Variants in TOX observed in about 807,000 individuals in gnomAD.
The protein encoded by TOX is thymocyte selection associated high mobility group box.
In TOX, 11 loss-of-function variants were observed where a neutral mutation model predicts 53.7. The observed-to-expected ratio is 0.20, with a 90% CI of 0.13 to 0.34. The LOEUF (loss-of-function observed/expected upper bound fraction) is 0.34. Ranked by LOEUF, TOX falls within the 10% of genes least tolerant of loss-of-function variation. The pLI is 1.00. For missense variants in TOX, 570 were observed against 664.6 expected (o/e 0.86, Z 1.56); for synonymous variants, 225 against 245.3 (o/e 0.92, Z 0.77).
intron 5 of TOX, among the ~76,000 whole-genome samples, chr8:58,837,104 T>A (rs1224359353): frequency 6.6e-6 from 1 of 151,350 alleles, no homozygotes; most frequent in South Asian, 2.2e-4. Flanking sequence ...AATATATAGA[T>A]CCTTCTAGAT....
chr8:58,870,443 A>G (rs1461815152), intron 3 of TOX, among the ~76,000 whole-genome samples: 2 of 152,192 alleles, frequency 1.3e-5, no homozygotes, highest in Non-Finnish European at 2.9e-5. Flanking sequence ...AAGGGTCAGT[A>G]TTGTTAAGAT....
chr8:58,874,233 TA>T (rs72125256), intron 3 of TOX, among the ~76,000 whole-genome samples: 2,354 of 151,744 alleles, frequency 0.016, 49 homozygotes, highest in African/African-American at 0.053. Flanking sequence ...TAGATTTTTT[TA>T]AAAAAAACTT....
At chr8:59,030,090 T>A (rs996331134) in intron 1 of TOX, among the ~76,000 whole-genome samples, 1 of 152,154 alleles carries the variant, frequency 6.6e-6, no homozygotes, top group African/African-American at 2.4e-5. Flanking sequence ...TAGTAAAGCA[T>A]GCCTCAAAGT....
At chr8:59,107,971 G>A (rs910117434) in intron 1 of TOX, among the ~76,000 whole-genome samples, 4 of 152,086 alleles carry the variant, frequency 2.6e-5, no homozygotes, top group East Asian at 1.9e-4. Flanking sequence ...AAAACATTGC[G>A]TGTGCTTTGC....
chr8:58,969,678 G>T (rs1290551499), intron 1 of TOX, among the ~76,000 whole-genome samples: 2 of 151,970 alleles, frequency 1.3e-5, no homozygotes, highest in African/African-American at 4.8e-5. Flanking sequence ...AAGTGTCTTT[G>T]CTTATAGCAC....
intron 1 of TOX, among the ~76,000 whole-genome samples, chr8:58,995,212 A>G (rs967657201): frequency 6.6e-6 from 1 of 152,208 alleles, no homozygotes; most frequent in Non-Finnish European, 1.5e-5. Flanking sequence ...GGAGTATAGC[A>G]TTTATTACAA....
At chr8:58,911,415 A>G (rs1811905950) in intron 3 of TOX, among the ~76,000 whole-genome samples, 1 of 152,174 alleles carries the variant, frequency 6.6e-6, no homozygotes, top group African/African-American at 2.4e-5. Flanking sequence ...ACTATTTCTT[A>G]TTGTTATATG....
Position 58,890,780 on chromosome 8 carries a change from T to C in TOX, c.412-38975A>G, listed in dbSNP as rs141910220. 1.3e-3 allele frequency among the ~76,000 whole-genome samples: 194 copies of C among 151,984 alleles called. 1 individual carries two copies. The Middle Eastern group carries it at 0.024, about 19-fold the overall frequency. ...GCATTTGAAGTCATGGAACTTGAGG[T>C]TGAAAATGAGAGTAGTGTGGGTGAC... On this transcript the variant is annotated intron_variant, in intron 3 of 8. Coordinates refer to ENST00000361421, the MANE Select transcript of TOX (RefSeq NM_014729.3).
chr8:58,913,325 A>T (rs916397676), intron 3 of TOX, among the ~76,000 whole-genome samples: 17 of 152,194 alleles, frequency 1.1e-4, no homozygotes, highest in African/African-American at 3.4e-4. Flanking sequence ...CTAAACAAAT[A>T]AATAAAAATA....
At chr8:59,114,492 T>C (rs1805068698) in intron 1 of TOX, among the ~76,000 whole-genome samples, 1 of 152,218 alleles carries the variant, frequency 6.6e-6, no homozygotes, top group Non-Finnish European at 1.5e-5. Context: ...TAGGCATTTA[T>C]TTAAAACATA....
chr8:58,846,307 T>C (rs1810718662), intron 4 of TOX, among the ~76,000 whole-genome samples: 1 of 152,132 alleles, frequency 6.6e-6, no homozygotes, highest in Admixed American at 6.6e-5. Flanking sequence ...ATACACATTA[T>C]ACTATATAAA....
At chr8:59,054,220 T>C (rs1803843448) in intron 1 of TOX, among the ~76,000 whole-genome samples, 1 of 152,236 alleles carries the variant, frequency 6.6e-6, no homozygotes, top group Admixed American at 6.5e-5. Context: ...TAATTTACAC[T>C]GTAATTAACT....
At chr8:59,056,431 G>GA (rs397697554) in intron 1 of TOX, among the ~76,000 whole-genome samples, 47,075 of 56,270 alleles carry the variant, frequency 0.84, 20,191 homozygotes, top group Non-Finnish European at 0.89. Flanking sequence ...GGCCCTCTCC[G>GA]AAAAAAAAAA....
intron 1 of TOX, among the ~76,000 whole-genome samples, chr8:59,034,252 T>C (rs1353319595): frequency 6.6e-6 from 1 of 152,232 alleles, no homozygotes; most frequent in African/African-American, 2.4e-5. Context: ...AAGTTAACCG[T>C]TACCAGATAA....
At chr8:58,860,467 C>A (rs897436664) in intron 3 of TOX, among the ~76,000 whole-genome samples, 1 of 152,152 alleles carries the variant, frequency 6.6e-6, no homozygotes, top group African/African-American at 2.4e-5. Context: ...TTAAATGCTT[C>A]CTTAAAACAT....
chr8:59,037,846 A>G (rs923129818), intron 1 of TOX, among the ~76,000 whole-genome samples: 3 of 151,522 alleles, frequency 2.0e-5, no homozygotes, highest in Non-Finnish European at 2.9e-5. Flanking sequence ...TTCTTCAGCT[A>G]TTATCCAAAC....
chr8:59,067,461 C>T (rs1326718724), intron 1 of TOX, among the ~76,000 whole-genome samples: 7 of 152,028 alleles, frequency 4.6e-5, no homozygotes, highest in Middle Eastern at 3.4e-3. Flanking sequence ...GGCTGAGGCA[C>T]GAGAAATCGC....
Position 59,119,086 on chromosome 8 carries a change from C to A in TOX, c.-99G>T. On this transcript the variant is annotated 5_prime_UTR_variant, in exon 1 of 9. Transcript: ENST00000361421. ...CGGAACAGAGTGAGGTGTCTGGGCT[C>A]AGGAGTAAAAGAAACACCTTCCTTC... 1.4e-6 allele frequency: 1 copy of A among 735,550 alleles called. No homozygotes were observed. The highest frequency in any genetic ancestry group is 2.6e-5 in the Admixed American group (1 of 38,298). The allele number at this position is 735,550 out of a possible 1,614,324, so 45.6% of individuals were successfully genotyped here. A position where few individuals can be genotyped will look rare whatever the true frequency, so the allele number is the denominator to read the frequency against.
chr8:58,874,067 A>G (rs1811244654), intron 3 of TOX, among the ~76,000 whole-genome samples: 1 of 148,284 alleles, frequency 6.7e-6, no homozygotes, highest in Non-Finnish European at 1.5e-5. Context: ...TACTGAAGAA[A>G]AAGAAACTTC....
Sources: allele counts gnomAD v4.1 joint callset (sites outside exome capture counted in the v4.1 genomes callset), GRCh38; gene constraint gnomAD v4.1.1; transcripts MANE v1.5; gene names NCBI Gene and HGNC (gene_info 2026-07-23, HGNC 2026-07-21).